Variants in UVRAG observed in about 807,000 individuals in gnomAD.
UVRAG encodes the protein UV radiation resistance associated, also known as UV radiation resistance-associated gene protein.
Under a neutral mutation model 78.0 loss-of-function variants are expected in UVRAG, and 19 were observed. That is an observed-to-expected ratio of 0.24 (90% CI 0.17 to 0.36). The LOEUF is 0.36. UVRAG is among the 10% of genes least tolerant of loss of function. The probability of loss-of-function intolerance (pLI) is 1.00; values close to 1 mark genes in which losing one functional copy is unlikely to be tolerated. For missense variants in UVRAG, 740 were observed against 853.8 expected, an observed-to-expected ratio of 0.87 and a Z score of 1.66; for synonymous variants, 323 against 324.6, an observed-to-expected ratio of 1.00 and a Z score of 0.05.
chr11:76,134,746 C>T (rs1454450022), intron 14 of UVRAG, among the ~76,000 whole-genome samples: 1 of 152,198 alleles, frequency 6.6e-6, no homozygotes, highest in African/African-American at 2.4e-5. Flanking sequence ...AGTGTCTATG[C>T]CAGGCATCCT....
chr11:75,981,898 T>C (rs1040483132), intron 7 of UVRAG, among the ~76,000 whole-genome samples: 2 of 151,270 alleles, frequency 1.3e-5, no homozygotes, highest in Non-Finnish European at 2.9e-5. Context: ...TCTGTTTCTT[T>C]GCTGAGACTT....
At chr11:76,097,630 G>T (rs1405497692) in intron 13 of UVRAG, among the ~76,000 whole-genome samples, 1 of 151,936 alleles carries the variant, frequency 6.6e-6, no homozygotes. Flanking sequence ...TTATATTATG[G>T]AACTGCCTCT....
chr11:75,913,066 T>G (rs564882885), intron 6 of UVRAG, among the ~76,000 whole-genome samples: 2 of 152,332 alleles, frequency 1.3e-5, no homozygotes, highest in South Asian at 4.1e-4. Context: ...AAACATATTT[T>G]AATGCCTGTT....
At chr11:75,850,812 T>G (rs1376164091) in intron 1 of UVRAG, among the ~76,000 whole-genome samples, 1 of 152,196 alleles carries the variant, frequency 6.6e-6, no homozygotes, top group Non-Finnish European at 1.5e-5. Flanking sequence ...GTAAATACAT[T>G]TGAGGCTTTT....
intron 13 of UVRAG, among the ~76,000 whole-genome samples, chr11:76,080,950 C>CT (rs1951483019): frequency 6.6e-6 from 1 of 152,222 alleles, no homozygotes; most frequent in African/African-American, 2.4e-5. Flanking sequence ...AGTTTCCCTA[C>CT]TTAAATAATG....
intron 5 of UVRAG, 102 bp downstream of exon 5, chr11:75,889,005 A>G (rs1728964044): frequency 2.1e-6 from 2 of 961,098 alleles, no homozygotes; most frequent in East Asian, 5.8e-5. Flanking sequence ...AAATAGAATC[A>G]TGCTTTAAAT....
chr11:75,920,694 A>T (rs1429163764), intron 6 of UVRAG, among the ~76,000 whole-genome samples: 1 of 152,000 alleles, frequency 6.6e-6, no homozygotes, highest in Non-Finnish European at 1.5e-5. Flanking sequence ...ATCCATCTGT[A>T]TTTTTTCCCA....
intron 13 of UVRAG, 130 bp from the exon 14 acceptor site, chr11:76,115,793 AG>A: frequency 1.3e-6 from 1 of 775,852 alleles, no homozygotes; most frequent in African/African-American, 1.7e-5. Context: ...AAGTACTGTG[AG>A]GCTGATAATA....
chr11:76,003,288 T>TTTTTTTTTTTTTTTTTTG (rs1491521163), intron 8 of UVRAG, among the ~76,000 whole-genome samples: 6 of 62,550 alleles, frequency 9.6e-5, no homozygotes, highest in African/African-American at 3.6e-4. Context: ...TTTTTTTTTT[T>TTTTTTTTTTTTTTTTTTG]GGAGACAGAG....
intron 14 of UVRAG, among the ~76,000 whole-genome samples, chr11:76,122,167 A>G (rs957576627): frequency 6.6e-6 from 1 of 152,222 alleles, no homozygotes; most frequent in Non-Finnish European, 1.5e-5. Context: ...GCTATAAGGG[A>G]GAGTTATTTT....
rs994404787 is a variant in UVRAG at position 75,815,222 on chromosome 11, C to T, written c.-186C>T. 1.1e-5 allele frequency: 5 copies of T among 438,432 alleles called. No homozygotes were observed. The highest frequency in any genetic ancestry group is 1.0e-4 in the South Asian group (2 of 19,380). The allele number at this position is 438,432 out of a possible 1,614,324, so 27.2% of individuals were successfully genotyped here. On this transcript the variant is annotated 5_prime_UTR_variant, in exon 1 of 15. Transcript: ENST00000356136. ...GGGGTTGCACTGCGGTAATATGGCT[C>T]TTCCTTAGCCAGCGGCGGCAACGGC...
At chr11:76,079,078 T>A (rs1296311419) in intron 13 of UVRAG, among the ~76,000 whole-genome samples, 1 of 152,234 alleles carries the variant, frequency 6.6e-6, no homozygotes, top group African/African-American at 2.4e-5. Flanking sequence ...GTCAGCACCA[T>A]GTTCTTTACA....
intron 13 of UVRAG, among the ~76,000 whole-genome samples, chr11:76,095,000 G>A (rs926171980): frequency 6.6e-6 from 1 of 152,158 alleles, no homozygotes; most frequent in African/African-American, 2.4e-5. Flanking sequence ...AGTTGGGAAA[G>A]AGGACTGAAG....
intron 6 of UVRAG, among the ~76,000 whole-genome samples, chr11:75,918,595 T>C (rs1210027470): frequency 6.6e-6 from 1 of 152,136 alleles, no homozygotes; most frequent in Non-Finnish European, 1.5e-5. Context: ...TACTGTGTTA[T>C]AAATAGTTCT....
intron 14 of UVRAG, among the ~76,000 whole-genome samples, chr11:76,117,567 T>G (rs1468162096): frequency 1.3e-5 from 2 of 152,232 alleles, no homozygotes; most frequent in East Asian, 1.9e-4. Flanking sequence ...ATTTTACTAT[T>G]GATAAAGCTA....
intron 6 of UVRAG, among the ~76,000 whole-genome samples, chr11:75,958,961 A>G (rs751013137): frequency 6.6e-6 from 1 of 152,216 alleles, no homozygotes; most frequent in Non-Finnish European, 1.5e-5. Context: ...ATGAACAATA[A>G]TATTTTGAAA....
chr11:75,971,404 T>G (rs1241945835), intron 7 of UVRAG, among the ~76,000 whole-genome samples: 1 of 152,236 alleles, frequency 6.6e-6, no homozygotes, highest in East Asian at 1.9e-4. Context: ...ATTTTAGCTT[T>G]GTGAGAAACT....
chr11:76,064,692 T>C (rs1378267003), intron 12 of UVRAG, among the ~76,000 whole-genome samples: 1 of 152,210 alleles, frequency 6.6e-6, no homozygotes, highest in Non-Finnish European at 1.5e-5. Flanking sequence ...GCCCTTAAAT[T>C]CTATTTCCTT....
At chr11:75,819,032 A>G (rs374727095) in intron 1 of UVRAG, among the ~76,000 whole-genome samples, 1 of 152,154 alleles carries the variant, frequency 6.6e-6, no homozygotes, top group African/African-American at 2.4e-5. Flanking sequence ...AGGGGGCAAA[A>G]TTACCCCTAG....
Sources: gnomAD v4.1 joint callset for allele counts (sites outside exome capture counted in the v4.1 genomes callset) on GRCh38, gnomAD v4.1.1 for gene constraint, MANE v1.5 for transcripts, NCBI Gene and HGNC (gene_info 2026-07-23, HGNC 2026-07-21) for gene names.